Variants in HS6ST3 observed in about 807,000 individuals in gnomAD.
HS6ST3 encodes heparan sulfate 6-O-sulfotransferase 3.
Under a neutral mutation model 36.7 loss-of-function variants are expected in HS6ST3, and 12 were observed. The observed-to-expected ratio is 0.33, with a 90% CI of 0.21 to 0.53. HS6ST3 has a LOEUF of 0.53. Among genes scored for constraint, HS6ST3 ranks in the 20% least tolerant of loss-of-function variants. The probability of loss-of-function intolerance (pLI) is 0.95; values close to 1 mark genes in which losing one functional copy is unlikely to be tolerated. For missense variants in HS6ST3, 584 were observed against 640.9 expected, an observed-to-expected ratio of 0.91 and a Z score of 0.96; for synonymous variants, 240 against 257.5, an observed-to-expected ratio of 0.93 and a Z score of 0.65.
rs764629460 is a variant in HS6ST3 at position 96,091,094 on chromosome 13, C to T, written c.232C>T (p.Pro78Ser). ...CCAGTTGCCCCCGCCGCCCCGGGGG[C>T]CCCCCGAGGGACCTCGGGGGGCCGC... ...RPQLPPPPRG[P>S]PEGPRGAAAP... is the part of the protein sequence containing the mutation. The change falls in exon 1 of 2, where the codon CCC becomes TCC. Residue 78 changes from proline to serine, a missense_variant. Coordinates refer to ENST00000376705, the MANE Select transcript of HS6ST3 (RefSeq NM_153456.4). The T allele has an allele frequency of 1.9e-5, 25 of 1,318,774 alleles. No homozygotes were observed. The South Asian group carries it at 4.0e-4, about 21-fold the overall frequency. 81.7% of individuals were successfully genotyped at this position (1,318,774 alleles called of 1,614,324 possible). A position where few individuals can be genotyped will look rare whatever the true frequency, so the allele number is the denominator to read the frequency against.
intron 1 of HS6ST3, among the ~76,000 whole-genome samples, chr13:96,601,759 A>G (rs537828574): frequency 2.6e-5 from 4 of 152,120 alleles, no homozygotes; most frequent in African/African-American, 9.6e-5. Context: ...TTATTTCTTA[A>G]TTTAGTTTTG....
At chr13:96,507,003 T>C (rs1432104785) in intron 1 of HS6ST3, among the ~76,000 whole-genome samples, 4 of 152,148 alleles carry the variant, frequency 2.6e-5, no homozygotes, top group Non-Finnish European at 5.9e-5. Context: ...TAAAGTAGTG[T>C]GAGACTGTCA....
chr13:96,392,038 A>G (rs951847347), intron 1 of HS6ST3, among the ~76,000 whole-genome samples: 5 of 152,176 alleles, frequency 3.3e-5, no homozygotes, highest in Non-Finnish European at 7.3e-5. Flanking sequence ...CCTTGAGTGA[A>G]TAAGGCCCAC....
rs539392599 is a variant in HS6ST3, at chr13:96,376,835, G to A, written c.707+285266G>A. 5.9e-5 allele frequency among the ~76,000 whole-genome samples: 9 copies of A among 152,008 alleles called. No homozygotes were observed. In the South Asian group the frequency reaches 1.7e-3, roughly 28 times the overall value. On this transcript the variant is annotated intron_variant, in intron 1 of 1. Coordinates refer to ENST00000376705, the MANE Select transcript of HS6ST3 (RefSeq NM_153456.4). ...GAAACTTTGTCTTTTAAAAGTTAAG[G>A]GTGGGCAAGGTAGCTCATGCCTGTA... is the stretch of plus-strand genomic sequence containing the variant.
intron 1 of HS6ST3, among the ~76,000 whole-genome samples, chr13:96,700,980 T>G (rs537259763): frequency 4.6e-5 from 7 of 152,150 alleles, no homozygotes; most frequent in Non-Finnish European, 7.3e-5. Context: ...ACATCCCAGT[T>G]AGTGAAGATT....
intron 1 of HS6ST3, among the ~76,000 whole-genome samples, chr13:96,114,353 T>C (rs2139302074): frequency 6.6e-6 from 1 of 152,306 alleles, no homozygotes; most frequent in East Asian, 1.9e-4. Flanking sequence ...TATCGCTGTG[T>C]TGCCCAGGAT....
At chr13:96,763,503 A>G (rs1877019811) in intron 1 of HS6ST3, among the ~76,000 whole-genome samples, 1 of 150,502 alleles carries the variant, frequency 6.6e-6, no homozygotes, top group Non-Finnish European at 1.5e-5. Context: ...AAAAAATTAT[A>G]TAATATATAT....
chr13:96,260,254 CCTTCCTTCCTTCCTTT>C (rs1366051402), intron 1 of HS6ST3, among the ~76,000 whole-genome samples: 1 of 149,694 alleles, frequency 6.7e-6, no homozygotes, highest in African/African-American at 2.5e-5. Flanking sequence ...TTCCTTCCTT[CCTTCCTTCCTTCCTTT>C]CTTCTTTCCT....
rs1156324613 is a variant in HS6ST3 at position 96,147,126 on chromosome 13, G to A, written c.707+55557G>A. ...TCCACACATTTTAATTGAAAACAGA[G>A]CAAACGTGTTTTGTTATTCTTGATA... is the stretch of plus-strand genomic sequence containing the variant. On this transcript the variant is annotated intron_variant, in intron 1 of 1. Coordinates refer to ENST00000376705, the MANE Select transcript of HS6ST3 (RefSeq NM_153456.4). 2.6e-5 allele frequency among the ~76,000 whole-genome samples: 4 copies of A among 152,286 alleles called. No homozygotes were observed. In the East Asian group the frequency reaches 7.7e-4, roughly 29 times the overall value.
chr13:96,385,252 A>G (rs2055361991), intron 1 of HS6ST3, among the ~76,000 whole-genome samples: 1 of 152,084 alleles, frequency 6.6e-6, no homozygotes. Context: ...TTCTAGCTCC[A>G]AAGAAAGAAT....
In HS6ST3 at chr13:96,833,009, G is replaced by A. The variant is rs760373418; in HGVS notation, c.1227G>A (p.Glu409=). Residue 409 remains glutamate, a synonymous_variant, in exon 2 of 2, where the codon GAG becomes GAA. Transcript: ENST00000376705. The part of the protein sequence containing the change: ...DLNFLDMQLY[E]YAKDLFQQRY... ...ACTTCCTGGACATGCAGCTTTACGA[G>A]TATGCAAAAGATCTCTTCCAGCAGC... 1.2e-6 allele frequency: 2 copies of A among 1,614,054 alleles called. No homozygotes were observed. Among genetic ancestry groups the A allele is most frequent in the South Asian group, 1.1e-5 (1 of 91,076 alleles).
At chr13:96,663,418 T>A (rs548344723) in intron 1 of HS6ST3, among the ~76,000 whole-genome samples, 22 of 152,060 alleles carry the variant, frequency 1.4e-4, no homozygotes, top group Admixed American at 3.9e-4. Flanking sequence ...ACATCATGAG[T>A]CATTAGGGAA....
At chr13:96,295,822 G>A (rs1358534402) in intron 1 of HS6ST3, among the ~76,000 whole-genome samples, 4 of 152,128 alleles carry the variant, frequency 2.6e-5, no homozygotes, top group Non-Finnish European at 5.9e-5. Context: ...AAGGTTTGAT[G>A]CGCTGATTGT....
intron 1 of HS6ST3, among the ~76,000 whole-genome samples, chr13:96,826,938 T>C (rs535877754): frequency 5.9e-4 from 90 of 152,284 alleles, no homozygotes; most frequent in Admixed American, 1.5e-3. Context: ...AGAACAGCAG[T>C]TCTAAAGAGC....
At chr13:96,157,982 G>A (rs551778085) in intron 1 of HS6ST3, among the ~76,000 whole-genome samples, 36 of 152,302 alleles carry the variant, frequency 2.4e-4, no homozygotes, top group African/African-American at 8.2e-4. Flanking sequence ...CAAAGGTACC[G>A]TGGGTGCCGG....
chr13:96,763,881 G>A (rs534127441), intron 1 of HS6ST3, among the ~76,000 whole-genome samples: 1 of 152,228 alleles, frequency 6.6e-6, no homozygotes, highest in Admixed American at 6.5e-5. Context: ...AAATCATATT[G>A]CAACAATCTG....
In HS6ST3 at chr13:96,832,614, C is replaced by G. The variant is rs1343439499; in HGVS notation, c.832C>G (p.Pro278Ala). 2 of 1,614,130 alleles carry G rather than the reference C, an allele frequency of 1.2e-6. No homozygotes were observed. Among genetic ancestry groups the G allele is most frequent in the East Asian group, 2.2e-5 (1 of 44,868 alleles). The change falls in exon 2 of 2, where the codon CCA (proline) becomes GCA (alanine). Residue 278 changes from proline (P) to alanine (A), a missense_variant. Coordinates refer to ENST00000376705, the MANE Select transcript of HS6ST3 (RefSeq NM_153456.4). ...LHMCDGRSPT[P>A]DELPTCYPGD... ...TATGTGTGATGGAAGAAGCCCCACC[C>G]CAGATGAGCTGCCTACCTGCTACCC...
intron 1 of HS6ST3, among the ~76,000 whole-genome samples, chr13:96,146,085 C>T (rs1159250944): frequency 1.3e-5 from 2 of 152,140 alleles, no homozygotes; most frequent in Non-Finnish European, 2.9e-5. Context: ...AGTCAGGTAG[C>T]ATGATGCCTC....
chr13:96,678,269 T>A (rs680079), intron 1 of HS6ST3, among the ~76,000 whole-genome samples: 149,650 of 152,304 alleles, frequency 0.98, 73,563 homozygotes, highest in East Asian at 1. Flanking sequence ...TTCACCTCTC[T>A]TTAGGCCACA....
Sources: allele counts gnomAD v4.1 joint callset (sites outside exome capture counted in the v4.1 genomes callset), GRCh38; gene constraint gnomAD v4.1.1; transcripts MANE v1.5; gene names NCBI Gene and HGNC (gene_info 2026-07-23, HGNC 2026-07-21).